The following ASTN2 variants were observed in gnomAD, a reference collection of about 807,000 sequenced individuals.
ASTN2 encodes astrotactin-2.
In ASTN2, 54 loss-of-function variants were observed where a neutral mutation model predicts 139.8. The ratio of observed to expected loss-of-function variants is 0.39; its 90% CI spans 0.31 to 0.48. ASTN2 has a LOEUF of 0.48. Ranked by LOEUF, ASTN2 falls within the 20% of genes least tolerant of loss-of-function variation. The probability of loss-of-function intolerance (pLI) is 0.95; values close to 1 mark genes in which losing one functional copy is unlikely to be tolerated. For missense variants in ASTN2, 1,565 were observed against 1,725.1 expected, an observed-to-expected ratio of 0.91 and a Z score of 1.64; for synonymous variants, 756 against 719.5, an observed-to-expected ratio of 1.05 and a Z score of -0.81.
At chr9:117,255,514 T>C (rs1293859438) in intron 2 of ASTN2, among the ~76,000 whole-genome samples, 1 of 152,174 alleles carries the variant, frequency 6.6e-6, no homozygotes, top group Non-Finnish European at 1.5e-5. Flanking sequence ...AAACTTGGGT[T>C]GATTAAACTG....
intron 19 of ASTN2, among the ~76,000 whole-genome samples, chr9:116,593,767 C>G (rs1564139832): frequency 1.3e-5 from 2 of 152,156 alleles, no homozygotes; most frequent in Non-Finnish European, 2.9e-5. Flanking sequence ...CTCCAGACAC[C>G]TTTCATTTCC....
intron 5 of ASTN2, among the ~76,000 whole-genome samples, chr9:117,060,208 G>A (rs1396612397): frequency 1.3e-5 from 2 of 151,450 alleles, no homozygotes; most frequent in African/African-American, 4.9e-5. Context: ...CTACCTGGGA[G>A]GCTGAGGCAC....
Position 116,723,092 on chromosome 9 carries a change from A to G in ASTN2, c.2806+2679T>C, listed in dbSNP as rs377279332. On this transcript the variant is annotated intron_variant, in intron 16 of 22. Coordinates refer to ENST00000313400, the MANE Select transcript of ASTN2 (RefSeq NM_001365068.1). ...AGGCAGGAGAATGGCGTGAACCCGG[A>G]AAGCAGAGCTTTCAGTGAGCAGAGA... Among the ~76,000 whole-genome samples, 163 of 152,124 alleles carry G rather than the reference A, an allele frequency of 1.1e-3. No homozygotes were observed. In the East Asian group the frequency reaches 0.015, roughly 14 times the overall value.
chr9:116,568,798 A>G (rs1853364642), intron 19 of ASTN2: 1 of 152,318 alleles, frequency 6.6e-6, no homozygotes, highest in African/African-American at 2.4e-5. Context: ...TGAAGGGGCC[A>G]AGGGATAGAG....
rs1564169386 is a variant in ASTN2 at position 116,632,256 on chromosome 9, A to AGAAAGAAAGAAG, written c.3073-11814_3073-11813insCTTCTTTCTTTC. Among the ~76,000 whole-genome samples, 150 of 103,046 alleles carry AGAAAGAAAGAAG rather than the reference A, an allele frequency of 1.5e-3. 4 individuals are homozygous for AGAAAGAAAGAAG. The highest frequency in any genetic ancestry group is 6.0e-3 in the African/African-American group (131 of 21,880). The allele number at this position is 103,046 out of a possible 152,430, so 67.6% of individuals were successfully genotyped here. A position where few individuals can be genotyped will look rare whatever the true frequency, so the allele number is the denominator to read the frequency against. On this transcript the variant is annotated intron_variant, in intron 17 of 22. Coordinates refer to ENST00000313400, the MANE Select transcript of ASTN2 (RefSeq NM_001365068.1). ...AAGAAAGAAAGAAAGAAAGAAGGAAAGAAAGAAAGAAAGAAAGAAAGAAAG... is the reference window on the plus strand; with the variant it reads ...AAGAAAGAAAGAAAGAAAGAAGGAAAGAAAGAAAGAAGGAAAGAAAGAAAGAAAGAAAGAAAG...
At chr9:117,187,006 G>C (rs1229969531) in intron 3 of ASTN2, among the ~76,000 whole-genome samples, 1 of 152,158 alleles carries the variant, frequency 6.6e-6, no homozygotes, top group Non-Finnish European at 1.5e-5. Context: ...GTGCACGCCT[G>C]TAATCCCAGC....
intron 13 of ASTN2, among the ~76,000 whole-genome samples, chr9:116,734,767 G>A (rs1828880619): frequency 6.6e-6 from 1 of 152,012 alleles, no homozygotes; most frequent in African/African-American, 2.4e-5. Context: ...GAGTGGCTTG[G>A]GTCACCTTCC....
At chr9:116,663,374 G>A (rs1468425141) in intron 16 of ASTN2, among the ~76,000 whole-genome samples, 1 of 152,098 alleles carries the variant, frequency 6.6e-6, no homozygotes, top group Admixed American at 6.6e-5. Flanking sequence ...ACATCAGCTG[G>A]AGTCATCTAG....
chr9:117,145,244 C>T (rs1171131956), intron 3 of ASTN2, among the ~76,000 whole-genome samples: 1 of 152,184 alleles, frequency 6.6e-6, no homozygotes, highest in Non-Finnish European at 1.5e-5. Flanking sequence ...TCAATACCCG[C>T]ATTCCTTGGA....
intron 13 of ASTN2, among the ~76,000 whole-genome samples, chr9:116,783,262 TTTCCTTCCTTCCTTCC>T (rs72137868): frequency 4.5e-4 from 60 of 132,382 alleles, no homozygotes; most frequent in African/African-American, 1.2e-3. Flanking sequence ...TCATAAAATC[TTTCCTTCCTTCCTTCC>T]TTCCTTCCTT....
rs999206340 is a variant in ASTN2 at position 116,654,856 on chromosome 9, A to G, written c.2807-3063T>C. On this transcript the variant is annotated intron_variant, in intron 16 of 22. Transcript: ENST00000313400. ...AGTAAAAATTCCCTTGATCAAACAAACATTCATAGTCATTGGGTTAAATAT... is the reference window on the plus strand; with the variant it reads ...AGTAAAAATTCCCTTGATCAAACAAGCATTCATAGTCATTGGGTTAAATAT... Among the ~76,000 whole-genome samples, 20 of 152,242 alleles carry G rather than the reference A, an allele frequency of 1.3e-4. 2 individuals carry two copies.
chr9:116,838,525 G>A (rs1032666397), intron 11 of ASTN2, among the ~76,000 whole-genome samples: 3 of 151,764 alleles, frequency 2.0e-5, no homozygotes, highest in Non-Finnish European at 4.4e-5. Context: ...CTGGGTTCAA[G>A]CAATTCTCCT....
intron 10 of ASTN2, among the ~76,000 whole-genome samples, chr9:116,938,483 G>A (rs183215739): frequency 1.3e-5 from 2 of 152,138 alleles, no homozygotes; most frequent in Admixed American, 6.5e-5. Context: ...TCCCCAGGGC[G>A]GATCAACGGC....
chr9:117,072,567 C>G (rs371588087), intron 5 of ASTN2, among the ~76,000 whole-genome samples: 1 of 152,120 alleles, frequency 6.6e-6, no homozygotes, highest in South Asian at 2.1e-4. Context: ...ACAATGGAAT[C>G]GTCAATTTGA....
At chr9:116,897,196 A>C (rs2132398059) in intron 10 of ASTN2, among the ~76,000 whole-genome samples, 1 of 152,294 alleles carries the variant, frequency 6.6e-6, no homozygotes, top group South Asian at 2.1e-4. Context: ...TCAAGGACCA[A>C]ATGTAGATGG....
At chr9:117,333,827 T>C (rs77669334) in intron 1 of ASTN2, among the ~76,000 whole-genome samples, 1,589 of 152,206 alleles carry the variant, frequency 0.01, 30 homozygotes, top group African/African-American at 0.035. Flanking sequence ...AAACATAAGA[T>C]AATTGAAAGA....
intron 11 of ASTN2, among the ~76,000 whole-genome samples, chr9:116,824,395 C>CTG (rs386416034): frequency 2.7e-5 from 2 of 74,396 alleles, no homozygotes; most frequent in Non-Finnish European, 5.8e-5. Context: ...CTCTCTCTCT[C>CTG]TCATCACTTG....
intron 17 of ASTN2, among the ~76,000 whole-genome samples, chr9:116,626,154 GTTTTTTTTTTTTTTT>G (rs751026997): frequency 3.8e-4 from 13 of 34,436 alleles, no homozygotes; most frequent in South Asian, 2.0e-3. Flanking sequence ...TAGTTTTTGT[GTTTTTTTTTTTTTTT>G]TTTTTTTTTT....
intron 7 of ASTN2, among the ~76,000 whole-genome samples, chr9:116,982,943 C>T (rs1476892127): frequency 6.6e-6 from 1 of 152,150 alleles, no homozygotes; most frequent in Non-Finnish European, 1.5e-5. Context: ...CTCCTCCACC[C>T]CAGCAGCACA....
Sources: allele counts gnomAD v4.1 joint callset (sites outside exome capture counted in the v4.1 genomes callset), GRCh38; gene constraint gnomAD v4.1.1; transcripts MANE v1.5; gene names NCBI Gene and HGNC (gene_info 2026-07-23, HGNC 2026-07-21).